Variants in CDK11B observed in about 807,000 individuals in gnomAD.
CDK11B encodes the protein cyclin-dependent kinase 11B.
In CDK11B, 37 loss-of-function variants were observed where a neutral mutation model predicts 84.0. The ratio of observed to expected loss-of-function variants is 0.44; its 90% CI spans 0.34 to 0.58. The LOEUF (loss-of-function observed/expected upper bound fraction) is 0.58, where lower values mean the gene tolerates loss of function less well. Among genes scored for constraint, CDK11B ranks in the 20% least tolerant of loss-of-function variants. The pLI, the probability that CDK11B is intolerant of heterozygous loss-of-function variation, is 0.02. For synonymous variants in CDK11B, 269 were observed against 309.8 expected, an observed-to-expected ratio of 0.87 and a Z score of 1.38; for missense variants, 427 against 834.0, an observed-to-expected ratio of 0.51 and a Z score of 6.01.
chr1:1,655,315 G>A (rs373504076), intron 3 of CDK11B, 54 bp downstream of exon 3: 35 of 1,578,302 alleles, frequency 2.2e-5, no homozygotes, highest in Middle Eastern at 1.7e-4. Flanking sequence ...AGGAAGGACC[G>A]GCCAGGCCAG....
Position 1,637,733 on chromosome 1 carries a change from G to A in CDK11B, c.1464+29C>T, listed in dbSNP as rs191077132. 146 of 1,613,610 alleles carry A rather than the reference G, an allele frequency of 9.0e-5. 2 individuals are homozygous for A. The East Asian group carries it at 3.1e-3, about 34-fold the overall frequency. ...GCCCTGTCAGAAAAGCCTTCCACCCGGGGCCAGGCGTGGTGGGGCCATGCT... is the reference window on the plus strand; with the variant it reads ...GCCCTGTCAGAAAAGCCTTCCACCCAGGGCCAGGCGTGGTGGGGCCATGCT... On this transcript the variant is annotated intron_variant, in intron 13 of 19. Coordinates refer to ENST00000341832, the MANE Select transcript of CDK11B (RefSeq NM_033486.3).
At chr1:1,650,475 C>G (rs1641852331) in intron 4 of CDK11B, among the ~76,000 whole-genome samples, 1 of 148,730 alleles carries the variant, frequency 6.7e-6, no homozygotes, top group African/African-American at 2.5e-5. Context: ...ACACCATTCT[C>G]CTGCCTCAGC....
In CDK11B at chr1:1,635,606, A is replaced by G; in HGVS notation, c.*158T>C. Reference sequence around the variant, plus strand: ...CAGCTCTTTCCTCCACAACAAGGAAAATGATTTAATTCTACAAATTTACAA... The same window carrying G: ...CAGCTCTTTCCTCCACAACAAGGAAGATGATTTAATTCTACAAATTTACAA... On this transcript the variant is annotated 3_prime_UTR_variant, in exon 20 of 20. Coordinates refer to ENST00000341832, the MANE Select transcript of CDK11B (RefSeq NM_033486.3). 2 of 456,272 alleles carry G rather than the reference A, an allele frequency of 4.4e-6. 1 individual carries two copies. Among genetic ancestry groups the G allele is most frequent in the Non-Finnish European group, 7.5e-6 (2 of 267,578 alleles). The allele number at this position is 456,272 out of a possible 1,614,324, so 28.3% of individuals were successfully genotyped here. A position where few individuals can be genotyped will look rare whatever the true frequency, so the allele number is the denominator to read the frequency against.
intron 14 of CDK11B, 69 bp from the exon 15 acceptor site, chr1:1,637,271 C>A (rs567947110): frequency 3.1e-6 from 5 of 1,589,650 alleles, no homozygotes; most frequent in Non-Finnish European, 2.6e-6. Context: ...GTGGCCCACT[C>A]GCCTCGGCAG....
chr1:1,648,791 AGACAGTCTCACTCTGTCAACCAGGCTGG>A (rs1386269304), intron 5 of CDK11B, among the ~76,000 whole-genome samples: 40 of 151,914 alleles, frequency 2.6e-4, no homozygotes, highest in Non-Finnish European at 4.4e-5. Context: ...CCTTTTTTTG[AGACAGTCTCACTCTGTCAACCAGGCTGG>A]AGTGCAATAG....
chr1:1,645,438 C>G (rs752177946), intron 5 of CDK11B, 176 bp from the exon 6 acceptor site: 1 of 569,720 alleles, frequency 1.8e-6, no homozygotes, highest in Non-Finnish European at 3.3e-6. Flanking sequence ...AGTGCGGTGG[C>G]GCGATCTCGG....
chr1:1,637,179 G>C lies in CDK11B; in HGVS notation c.1594C>G (p.Gln532Glu). Residue 532 changes from glutamine to glutamate, a missense_variant, in exon 15 of 20, where the codon CAG becomes GAG. Around this residue, in one of 12 missense-constraint regions of CDK11B, gnomAD observed 19 missense variants for 22.5 expected, o/e 0.85. Coordinates refer to ENST00000341832, the MANE Select transcript of CDK11B (RefSeq NM_033486.3). ...LPGEVKTLMI[Q>E]LLRGVKHLHD... ...AGGTGTTTCACCCCACGCAGCAGCT[G>C]GATCATCAGGGTCTTCACCTCCCCT... 6.2e-7 allele frequency: 1 copy of C among 1,613,520 alleles called. No individual in the cohort carries two copies. The highest frequency in any genetic ancestry group is 8.5e-7 in the Non-Finnish European group (1 of 1,179,846).
At chr1:1,636,844 C>A in intron 16 of CDK11B, 46 bp from the exon 17 acceptor site, 1 of 1,612,750 alleles carries the variant, frequency 6.2e-7, no homozygotes, top group Non-Finnish European at 8.5e-7. Context: ...GCCCGCGAAG[C>A]TGTGGGAGGC....
At chr1:1,638,910 G>A (rs1188635119) in intron 11 of CDK11B, among the ~76,000 whole-genome samples, 2 of 151,302 alleles carry the variant, frequency 1.3e-5, no homozygotes, top group East Asian at 1.9e-4. Flanking sequence ...AGACCAGCCC[G>A]GCCAACATAG....
In CDK11B at chr1:1,637,023, G is replaced by T; in HGVS notation, c.1693-19C>A. On this transcript the variant is annotated intron_variant, in intron 15 of 19. Coordinates refer to ENST00000341832, the MANE Select transcript of CDK11B (RefSeq NM_033486.3). ...CACCCACCTGCAACGACAGATGGGC[G>T]GCTGTGAGTGGGCCCCGGCAGGTCT... The T allele has an allele frequency of 1.2e-6, 2 of 1,613,026 alleles. No individual in the cohort carries two copies. Among genetic ancestry groups the T allele is most frequent in the Non-Finnish European group, 1.7e-6 (2 of 1,179,588 alleles).
In CDK11B at chr1:1,650,268, C is replaced by CAAAAAAAAAAAAAA. The variant is rs1212256890; in HGVS notation, c.356-645_356-632dup. The stretch of plus-strand genomic sequence containing the variant: ...CTGGGTGACAAGCAAGACTCCGTCC[C>CAAAAAAAAAAAAAA]AAAAAAAAAAAAAAAAGAAATTAAA... On this transcript the variant is annotated intron_variant, in intron 4 of 19. Transcript: ENST00000341832. Among the ~76,000 whole-genome samples, 380 of 45,614 alleles carry CAAAAAAAAAAAAAA rather than the reference C, an allele frequency of 8.3e-3. 40 individuals carry two copies. Among genetic ancestry groups the CAAAAAAAAAAAAAA allele is most frequent in the African/African-American group, 0.03 (335 of 11,150 alleles). The allele number at this position is 45,614 out of a possible 152,430, so 29.9% of individuals were successfully genotyped here.
chr1:1,640,148 A>G, intron 11 of CDK11B, 129 bp downstream of exon 11: 1 of 992,638 alleles, frequency 1.0e-6, no homozygotes, highest in Non-Finnish European at 1.4e-6. Context: ...CCCGCCCGTC[A>G]CTGCCCCAGT....
At chr1:1,637,277 G>C in intron 14 of CDK11B, 75 bp from the exon 15 acceptor site, 1 of 1,584,100 alleles carries the variant, frequency 6.3e-7, no homozygotes, top group Non-Finnish European at 8.6e-7. Flanking sequence ...CACTCGCCTC[G>C]GCAGCAACAG....
intron 4 of CDK11B, among the ~76,000 whole-genome samples, chr1:1,650,459 G>A (rs1461307824): frequency 3.5e-5 from 5 of 144,658 alleles, no homozygotes; most frequent in South Asian, 2.2e-4. Flanking sequence ...TCCGCCTCCC[G>A]TGTTCACACC....
chr1:1,639,267 A>G (rs530456443), intron 11 of CDK11B, among the ~76,000 whole-genome samples: 1 of 151,946 alleles, frequency 6.6e-6, no homozygotes, highest in Non-Finnish European at 1.5e-5. Context: ...AAATAAAAAA[A>G]TTAGCCAGGC....
At chr1:1,636,865 A>C (rs1474967320) in intron 16 of CDK11B, 32 bp downstream of exon 16, 2 of 1,611,294 alleles carry the variant, frequency 1.2e-6, no homozygotes, top group Non-Finnish European at 1.7e-6. Flanking sequence ...TGCGTGGGGG[A>C]CAGGGGAGGC....
intron 4 of CDK11B, among the ~76,000 whole-genome samples, chr1:1,651,866 C>T (rs2100959327): frequency 7.0e-6 from 1 of 142,722 alleles, no homozygotes; most frequent in Non-Finnish European, 1.5e-5. Context: ...TCTGTATAGC[C>T]CTTCTGAATG....
intron 3 of CDK11B, 137 bp downstream of exon 3, chr1:1,655,232 G>T: frequency 9.2e-7 from 1 of 1,092,714 alleles, no homozygotes; most frequent in Non-Finnish European, 1.2e-6. Flanking sequence ...CAATAGTTAC[G>T]CTATGTCACA....
At chr1:1,640,105 G>A (rs376367119) in intron 11 of CDK11B, among the ~76,000 whole-genome samples, 172 bp downstream of exon 11, 13 of 151,802 alleles carry the variant, frequency 8.6e-5, no homozygotes, top group Admixed American at 6.6e-4. Flanking sequence ...AGAAAGAGGC[G>A]GGACCTAGAA....
Sources: allele counts gnomAD v4.1 joint callset (sites outside exome capture counted in the v4.1 genomes callset), GRCh38; gene constraint gnomAD v4.1.1; regional missense constraint gnomAD v4.1.1; transcripts MANE v1.5; gene names NCBI Gene and HGNC (gene_info 2026-07-23, HGNC 2026-07-21).